Variants in CSNK1A1 observed in about 807,000 individuals in gnomAD.
The protein encoded by CSNK1A1 is casein kinase 1 alpha 1.
Under a neutral mutation model 46.1 loss-of-function variants are expected in CSNK1A1, and 7 were observed. The observed-to-expected ratio is 0.15, with a 90% CI of 0.09 to 0.29. The LOEUF is 0.29. Among genes scored for constraint, CSNK1A1 ranks in the 10% least tolerant of loss-of-function variants. The pLI is 1.00. For synonymous variants in CSNK1A1, 137 were observed against 141.5 expected (o/e 0.97, Z 0.23); for missense variants, 96 against 417.1 (o/e 0.23, Z 6.71).
intron 2 of CSNK1A1, among the ~76,000 whole-genome samples, chr5:149,546,485 T>C (rs896072050): frequency 5.9e-5 from 9 of 151,806 alleles, no homozygotes; most frequent in African/African-American, 1.9e-4. Context: ...ATACAAAAAT[T>C]AGCTGGGCGT....
chr5:149,530,570 T>C (rs1159555224), intron 2 of CSNK1A1, among the ~76,000 whole-genome samples: 1 of 152,206 alleles, frequency 6.6e-6, no homozygotes, highest in Non-Finnish European at 1.5e-5. Context: ...CCAACCTTTA[T>C]GCTCCTTTTT....
At position 149,496,878 on chromosome 5, in the gene CSNK1A1, C is replaced by CA. The variant is rs756936113; in HGVS notation, c.1007-19dup. ...TTAGAAACCTGGTAAAAAATCAAAA[C>CA]AAAAAAAAAGTTAAAATTCCAAGTC... On this transcript the variant is annotated intron_variant, in intron 9 of 9. Transcript: ENST00000377843. 106 of 1,525,162 alleles carry CA rather than the reference C, an allele frequency of 7.0e-5. No homozygotes were observed. Among genetic ancestry groups the CA allele is most frequent in the South Asian group, 2.6e-4 (21 of 79,758 alleles). The allele number at this position is 1,525,162 out of a possible 1,614,324, so 94.5% of individuals were successfully genotyped here.
intron 9 of CSNK1A1, among the ~76,000 whole-genome samples, chr5:149,500,232 G>A (rs1055716092): frequency 2.0e-5 from 3 of 151,380 alleles, no homozygotes; most frequent in Non-Finnish European, 4.4e-5. Context: ...CCGCCTCCTG[G>A]GTTCACGCCA....
At chr5:149,498,378 T>G (rs1760723518) in intron 9 of CSNK1A1, 2 of 985,282 alleles carry the variant, frequency 2.0e-6, no homozygotes, top group African/African-American at 3.5e-5. Flanking sequence ...GAATATCATT[T>G]GATGCATGTT....
intron 2 of CSNK1A1, among the ~76,000 whole-genome samples, chr5:149,535,889 AC>A (rs906170036): frequency 6.6e-6 from 1 of 151,416 alleles, no homozygotes; most frequent in African/African-American, 2.4e-5. Context: ...CAAGTGATCC[AC>A]CCGCCTCAGC....
chr5:149,500,316 T>C (rs1580816426), intron 9 of CSNK1A1, among the ~76,000 whole-genome samples: 1 of 152,186 alleles, frequency 6.6e-6, no homozygotes, highest in East Asian at 1.9e-4. Context: ...TTTTTGTATT[T>C]TTAGTACAGA....
chr5:149,544,189 A>T (rs1473009307), intron 2 of CSNK1A1, among the ~76,000 whole-genome samples: 1 of 152,188 alleles, frequency 6.6e-6, no homozygotes, highest in African/African-American at 2.4e-5. Context: ...AAATCTTTCT[A>T]TTCAGCACTC....
intron 5 of CSNK1A1, among the ~76,000 whole-genome samples, chr5:149,512,343 T>C (rs1761253432): frequency 6.6e-6 from 1 of 152,182 alleles, no homozygotes; most frequent in Admixed American, 6.5e-5. Flanking sequence ...GGATAGGTAA[T>C]GCCTTGGCGT....
At chr5:149,536,617 A>G (rs1174222281) in intron 2 of CSNK1A1, among the ~76,000 whole-genome samples, 1 of 152,228 alleles carries the variant, frequency 6.6e-6, no homozygotes, top group East Asian at 1.9e-4. Context: ...GGGAAAAGGA[A>G]AATGGAAGAA....
At chr5:149,499,094 AAG>A (rs1760743245) in intron 9 of CSNK1A1, 1 of 985,250 alleles carries the variant, frequency 1.0e-6, no homozygotes, top group Non-Finnish European at 1.2e-6. Flanking sequence ...GATGTTACTG[AAG>A]TATGTTTAGG....
Position 149,517,639 on chromosome 5 carries a change from G to C in CSNK1A1, c.456+2651C>G, listed in dbSNP as rs944689904. The stretch of plus-strand genomic sequence containing the variant: ...GAAATATCTTAGTAATGTTATGTTT[G>C]CCAAGTATGTCTGAATAATGCCAAC... On this transcript the variant is annotated intron_variant, in intron 4 of 9. Coordinates refer to ENST00000377843, the MANE Select transcript of CSNK1A1 (RefSeq NM_001892.6). The surrounding 1 kb of genome is among the most constrained non-coding windows in gnomAD (Gnocchi z 4.4). Among the ~76,000 whole-genome samples, 4 of 152,090 alleles carry C rather than the reference G, an allele frequency of 2.6e-5. No homozygotes were observed. The highest frequency in any genetic ancestry group is 4.4e-5 in the Non-Finnish European group (3 of 68,028).
intron 9 of CSNK1A1, chr5:149,501,758 C>T (rs1760864156): frequency 2.0e-6 from 2 of 985,210 alleles, no homozygotes; most frequent in Non-Finnish European, 1.2e-6. Flanking sequence ...TAAAGAAACA[C>T]TGAACTTCAT....
chr5:149,542,789 G>A (rs1452247476), intron 2 of CSNK1A1, among the ~76,000 whole-genome samples: 20 of 139,734 alleles, frequency 1.4e-4, no homozygotes, highest in Admixed American at 3.8e-4. Flanking sequence ...TCTGCCTCCC[G>A]GGCTCAAGCA....
At chr5:149,546,819 A>G (rs1258729714) in intron 2 of CSNK1A1, among the ~76,000 whole-genome samples, 1 of 152,224 alleles carries the variant, frequency 6.6e-6, no homozygotes, top group Admixed American at 6.5e-5. Context: ...ACTTAATTCA[A>G]TACTTTCCGA....
chr5:149,542,816 C>A (rs1297057786), intron 2 of CSNK1A1, among the ~76,000 whole-genome samples: 1 of 147,416 alleles, frequency 6.8e-6, no homozygotes, highest in Non-Finnish European at 1.5e-5. Context: ...CTGACTCAGC[C>A]TCCCAAGTAG....
chr5:149,510,362 T>C (rs960320994), intron 6 of CSNK1A1, among the ~76,000 whole-genome samples: 1 of 151,822 alleles, frequency 6.6e-6, no homozygotes, highest in African/African-American at 2.4e-5. Context: ...CTCCAACTCC[T>C]GGCCTCAAGC....
chr5:149,520,766 A>G (rs749249125), intron 3 of CSNK1A1, among the ~76,000 whole-genome samples: 8 of 152,238 alleles, frequency 5.3e-5, no homozygotes, highest in Admixed American at 1.3e-4. Flanking sequence ...GTAACCTGTT[A>G]AAATGGCCTT....
At chr5:149,504,815 A>C in intron 9 of CSNK1A1, 1 of 985,462 alleles carries the variant, frequency 1.0e-6, no homozygotes, top group Non-Finnish European at 1.2e-6. Flanking sequence ...TAAACTGCAA[A>C]TAAAAGAATT....
intron 2 of CSNK1A1, among the ~76,000 whole-genome samples, chr5:149,529,183 A>T (rs1761810508): frequency 6.6e-6 from 1 of 152,188 alleles, no homozygotes; most frequent in African/African-American, 2.4e-5. Context: ...ATGTTCGGGG[A>T]TCTCATTTTC....
Sources: gnomAD v4.1 joint callset for allele counts (sites outside exome capture counted in the v4.1 genomes callset) on GRCh38, gnomAD v4.1.1 for gene constraint, Gnocchi (gnomAD v3.1) non-coding constraint, MANE v1.5 for transcripts, NCBI Gene and HGNC (gene_info 2026-07-23, HGNC 2026-07-21) for gene names.